The following UBR2 variants were observed in gnomAD, a reference collection of about 807,000 sequenced individuals.
UBR2 encodes ubiquitin protein ligase E3 component n-recognin 2, also known as E3 ubiquitin-protein ligase UBR2.
Under a neutral mutation model 247.9 loss-of-function variants are expected in UBR2, and 92 were observed. The observed-to-expected ratio is 0.37, with a 90% CI of 0.31 to 0.44. UBR2 has a LOEUF of 0.44. UBR2 is among the 20% of genes least tolerant of loss of function. The pLI is 1.00. For synonymous variants in UBR2, 672 were observed against 693.5 expected (o/e 0.97, Z 0.49); for missense variants, 1,613 against 2,112.6 (o/e 0.76, Z 4.64).
Position 42,648,188 on chromosome 6 carries a change from T to G in UBR2, c.2462+18T>G. On this transcript the variant is annotated intron_variant, in intron 22 of 46. Transcript: ENST00000372901. ...CATTTCAAGTGAGTTTACTTCCTAT[T>G]ATTTCACATTCTTTTTTACTTTTCC... 2 of 1,605,898 alleles carry G rather than the reference T, an allele frequency of 1.2e-6. No individual in the cohort carries two copies. The highest frequency in any genetic ancestry group is 1.7e-6 in the Non-Finnish European group (2 of 1,172,594).
chr6:42,650,585 C>T (rs1446999261), intron 23 of UBR2, among the ~76,000 whole-genome samples, 199 bp downstream of exon 23: 4 of 152,128 alleles, frequency 2.6e-5, no homozygotes, highest in African/African-American at 4.8e-5. Context: ...GCATGCACCA[C>T]TGTATCTGGC....
chr6:42,575,997 C>G (rs1308101396), intron 2 of UBR2, among the ~76,000 whole-genome samples: 1 of 152,050 alleles, frequency 6.6e-6, no homozygotes, highest in Non-Finnish European at 1.5e-5. Context: ...CTCTATCATC[C>G]TTTGAGCTCT....
At chr6:42,657,956 C>A in intron 26 of UBR2, 68 bp from the exon 27 acceptor site, 1 of 1,181,766 alleles carries the variant, frequency 8.5e-7, no homozygotes, top group Non-Finnish European at 1.2e-6. Context: ...ATTTATGTTC[C>A]TGTGCGTAGG....
At chr6:42,652,752 T>G in intron 25 of UBR2, 107 bp downstream of exon 25, 4 of 1,058,280 alleles carry the variant, frequency 3.8e-6, no homozygotes, top group Middle Eastern at 2.8e-4. Context: ...TGTATTGTGT[T>G]TTCCTAACTT....
At chr6:42,678,693 CG>C in intron 41 of UBR2, 24 bp downstream of exon 41, 1 of 1,598,576 alleles carries the variant, frequency 6.3e-7, no homozygotes, top group Non-Finnish European at 8.5e-7. Flanking sequence ...TCTTTCAAAA[CG>C]TAGGGAGAGT....
At position 42,589,871 on chromosome 6, in the gene UBR2, T is replaced by C. The variant is rs77121635; in HGVS notation, c.339-2280T>C. Among the ~76,000 whole-genome samples the C allele has an allele frequency of 6.3e-3, 962 of 152,296 alleles. 11 individuals carry two copies. Among genetic ancestry groups the C allele is most frequent in the African/African-American group, 0.022 (929 of 41,550 alleles). ...GCATATCTATGTACCTTGTGTGAAA[T>C]GTGTTGGATTTTTCTAGCTGCCTTG... On this transcript the variant is annotated intron_variant, in intron 2 of 46. Transcript: ENST00000372901.
At chr6:42,619,441 A>ATTTTT (rs1219290729) in intron 11 of UBR2, 566 of 26,474 alleles carry the variant, frequency 0.021, 31 homozygotes, top group Middle Eastern at 0.043. Context: ...ATATATATAT[A>ATTTTT]TATATATATA....
At chr6:42,657,419 T>A (rs1266861348) in intron 26 of UBR2, among the ~76,000 whole-genome samples, 1 of 152,168 alleles carries the variant, frequency 6.6e-6, no homozygotes, top group Non-Finnish European at 1.5e-5. Flanking sequence ...TGCCACAGTT[T>A]TAGATGTGAT....
At chr6:42,615,897 TA>T in intron 9 of UBR2, 104 bp from the exon 10 acceptor site, 1 of 862,080 alleles carries the variant, frequency 1.2e-6, no homozygotes, top group Non-Finnish European at 1.7e-6. Flanking sequence ...GTCTCAAAAG[TA>T]AAAACAAAAC....
chr6:42,652,092 A>T (rs1379289201), intron 24 of UBR2, 21 bp downstream of exon 24: 1 of 1,571,798 alleles, frequency 6.4e-7, no homozygotes, highest in Non-Finnish European at 8.6e-7. Flanking sequence ...TCTTTCTGAA[A>T]ATGTCTTGCC....
At chr6:42,605,912 T>A in intron 6 of UBR2, 53 bp downstream of exon 6, 1 of 1,453,814 alleles carries the variant, frequency 6.9e-7, no homozygotes, top group Non-Finnish European at 9.4e-7. Context: ...ATAGGTAAGT[T>A]ACTATAGGTA....
At chr6:42,615,291 A>G in intron 9 of UBR2, 113 bp downstream of exon 9, 1 of 721,106 alleles carries the variant, frequency 1.4e-6, no homozygotes, top group Non-Finnish European at 2.0e-6. Context: ...GCTTCTTAAA[A>G]TTAGCATTGC....
chr6:42,592,223 A>T lies in UBR2; in HGVS notation c.411A>T (p.Arg137=). The change falls in exon 3 of 47, where the codon CGA becomes CGT. Residue 137 remains arginine, a synonymous_variant. Transcript: ENST00000372901. The part of the protein sequence containing the change: ...CFLGSIHRDH[R]YRMTTSGGGG... ...TGGGAAGTATTCACAGAGATCATCG[A>T]TATAGGGTTAGTAATGTCCAAATAA... 6.3e-7 allele frequency: 1 copy of T among 1,584,294 alleles called. No individual in the cohort carries two copies. The highest frequency in any genetic ancestry group is 8.5e-7 in the Non-Finnish European group (1 of 1,171,066).
intron 4 of UBR2, among the ~76,000 whole-genome samples, chr6:42,597,476 G>T (rs746231264): frequency 2.6e-5 from 4 of 151,772 alleles, no homozygotes; most frequent in Admixed American, 6.6e-5. Flanking sequence ...TGCACCTGTA[G>T]TCCCGGCTAT....
chr6:42,576,207 G>T (rs1277256054), intron 2 of UBR2, among the ~76,000 whole-genome samples: 1 of 152,098 alleles, frequency 6.6e-6, no homozygotes, highest in Non-Finnish European at 1.5e-5. Context: ...ATAACTCTCA[G>T]GCTGTCTCAA....
chr6:42,616,192 A>G (rs1351116049), intron 10 of UBR2, 102 bp downstream of exon 10: 10 of 636,876 alleles, frequency 1.6e-5, no homozygotes, highest in East Asian at 6.0e-5. Context: ...TAATATGTCA[A>G]TGTGTTGATA....
At chr6:42,650,049 G>A (rs1198188857) in intron 22 of UBR2, among the ~76,000 whole-genome samples, 1 of 152,224 alleles carries the variant, frequency 6.6e-6, no homozygotes, top group Non-Finnish European at 1.5e-5. Context: ...CCACTGCAGT[G>A]TCCATCACGT....
In UBR2 at chr6:42,615,198, T is replaced by C. The variant is rs760466981; in HGVS notation, c.1093+20T>C. 6 of 1,593,392 alleles carry C rather than the reference T, an allele frequency of 3.8e-6. No individual in the cohort carries two copies. Among genetic ancestry groups the C allele is most frequent in the South Asian group, 1.1e-5 (1 of 88,102 alleles). On this transcript the variant is annotated intron_variant, in intron 9 of 46. Coordinates refer to ENST00000372901, the MANE Select transcript of UBR2 (RefSeq NM_001363705.2). ...GGAAAGGTGAATCTCTTAACTACTT[T>C]TAAGGTGTAGAGGAACCTATATAAG...
chr6:42,617,616 T>C, intron 11 of UBR2, 109 bp downstream of exon 11: 1 of 1,002,536 alleles, frequency 1.0e-6, no homozygotes, highest in Non-Finnish European at 1.5e-6. Flanking sequence ...ATTTTATTAA[T>C]GGGTAATCAG....
Sources: gnomAD v4.1 joint callset for allele counts (sites outside exome capture counted in the v4.1 genomes callset) on GRCh38, gnomAD v4.1.1 for gene constraint, MANE v1.5 for transcripts, NCBI Gene and HGNC (gene_info 2026-07-23, HGNC 2026-07-21) for gene names.